PLGRKT: variants seen among roughly 807,000 people sequenced by gnomAD.
PLGRKT encodes plasminogen receptor with a C-terminal lysine.
Under a neutral mutation model 18.5 loss-of-function variants are expected in PLGRKT, and 22 were observed. The ratio of observed to expected loss-of-function variants is 1.19; its 90% CI spans 0.85 to 1.70. The LOEUF (loss-of-function observed/expected upper bound fraction) is 1.70. Ranked by LOEUF, PLGRKT falls within the 40% of genes most tolerant of loss-of-function variation. The pLI, the probability that PLGRKT is intolerant of heterozygous loss-of-function variation, is 0.00. For synonymous variants in PLGRKT, 72 were observed against 52.8 expected (o/e 1.36, Z -1.58); for missense variants, 235 against 174.4 (o/e 1.35, Z -1.96).
rs1817889554 is a variant in PLGRKT at position 5,388,610 on chromosome 9, C to T, written c.82-26722G>A. On this transcript the variant is annotated intron_variant, in intron 3 of 5. Transcript: ENST00000223864. ...TGAGGAAGTAGAGAGGATCTTCTCC[C>T]CATTTGGAATAGCCCAAGGGCATGA... Among the ~76,000 whole-genome samples the T allele has an allele frequency of 1.3e-5, 2 of 152,028 alleles. 1 individual carries two copies. Among genetic ancestry groups the T allele is most frequent in the African/African-American group, 4.8e-5 (2 of 41,284 alleles).
At chr9:5,429,697 C>T (rs1018158513) in intron 3 of PLGRKT, among the ~76,000 whole-genome samples, 5 of 152,162 alleles carry the variant, frequency 3.3e-5, no homozygotes, top group Non-Finnish European at 5.9e-5. Flanking sequence ...AACTTGATTA[C>T]CTCTGTAAAG....
intron 3 of PLGRKT, among the ~76,000 whole-genome samples, chr9:5,422,473 A>G (rs1818596289): frequency 6.6e-6 from 1 of 152,200 alleles, no homozygotes. Flanking sequence ...TCCATAGAAC[A>G]GATGAGCTGG....
intron 3 of PLGRKT, among the ~76,000 whole-genome samples, chr9:5,416,394 G>C (rs1818458961): frequency 6.6e-6 from 1 of 152,150 alleles, no homozygotes; most frequent in African/African-American, 2.4e-5. Flanking sequence ...ATATGGTAGG[G>C]TGACTATGTG....
intron 3 of PLGRKT, among the ~76,000 whole-genome samples, chr9:5,388,334 G>T (rs73395282): frequency 6.6e-6 from 1 of 151,808 alleles, no homozygotes; most frequent in African/African-American, 2.4e-5. Context: ...AAAAGTTGCT[G>T]AGAAATTGGG....
chr9:5,377,266 C>T (rs903420449), intron 3 of PLGRKT, among the ~76,000 whole-genome samples: 3 of 151,090 alleles, frequency 2.0e-5, no homozygotes, highest in African/African-American at 4.9e-5. Context: ...AAAAAGATAG[C>T]ACAGAGAAAA....
At chr9:5,394,726 A>T (rs1818013624) in intron 3 of PLGRKT, among the ~76,000 whole-genome samples, 1 of 151,824 alleles carries the variant, frequency 6.6e-6, no homozygotes. Flanking sequence ...GTTTTTTTTT[A>T]AATATAACTT....
At chr9:5,432,189 C>G (rs1170416813) in intron 2 of PLGRKT, among the ~76,000 whole-genome samples, 1 of 152,208 alleles carries the variant, frequency 6.6e-6, no homozygotes, top group African/African-American at 2.4e-5. Context: ...TCATTTTACT[C>G]ACCTAACACC....
intron 3 of PLGRKT, among the ~76,000 whole-genome samples, chr9:5,409,066 G>C (rs935652643): frequency 6.6e-6 from 1 of 152,226 alleles, no homozygotes. Context: ...CCTGCTGCAG[G>C]GGGAGATTCC....
chr9:5,377,478 C>G (rs1216142325), intron 3 of PLGRKT, among the ~76,000 whole-genome samples: 1 of 151,994 alleles, frequency 6.6e-6, no homozygotes, highest in Non-Finnish European at 1.5e-5. Context: ...TTGTATTTAT[C>G]TATATAAAAA....
At chr9:5,436,344 T>G (rs1436693305) in intron 2 of PLGRKT, among the ~76,000 whole-genome samples, 2 of 152,268 alleles carry the variant, frequency 1.3e-5, no homozygotes, top group African/African-American at 4.8e-5. Flanking sequence ...ATTTTTCTTC[T>G]GAACATAGGA....
intron 3 of PLGRKT, among the ~76,000 whole-genome samples, chr9:5,366,544 CAA>C (rs1462916910): frequency 1.3e-5 from 2 of 152,000 alleles, no homozygotes; most frequent in Non-Finnish European, 2.9e-5. Context: ...CAATTAATTT[CAA>C]AGAGAGCACA....
intron 3 of PLGRKT, among the ~76,000 whole-genome samples, chr9:5,411,740 A>C (rs1818370325): frequency 6.6e-6 from 1 of 152,264 alleles, no homozygotes. Flanking sequence ...AAGATATTAC[A>C]GTTTTAAATT....
At chr9:5,378,398 A>C (rs1368920727) in intron 3 of PLGRKT, among the ~76,000 whole-genome samples, 1 of 152,228 alleles carries the variant, frequency 6.6e-6, no homozygotes, top group Non-Finnish European at 1.5e-5. Flanking sequence ...GAGGGAGTCC[A>C]ACAGAAACTG....
chr9:5,430,352 T>C (rs916013660), intron 3 of PLGRKT, among the ~76,000 whole-genome samples: 2 of 152,218 alleles, frequency 1.3e-5, no homozygotes, highest in Non-Finnish European at 2.9e-5. Flanking sequence ...AGCTGGCTGA[T>C]TTGTAAACCT....
intron 3 of PLGRKT, among the ~76,000 whole-genome samples, chr9:5,423,288 T>C (rs1307802020): frequency 1.3e-5 from 2 of 152,224 alleles, no homozygotes; most frequent in Non-Finnish European, 2.9e-5. Context: ...TGGCACGTGA[T>C]AGACACTCCA....
At chr9:5,381,242 G>A (rs1034874791) in intron 3 of PLGRKT, among the ~76,000 whole-genome samples, 4 of 152,216 alleles carry the variant, frequency 2.6e-5, no homozygotes, top group Middle Eastern at 3.2e-3. Flanking sequence ...AGAGCTGTTC[G>A]TGGCAGCCCC....
intron 3 of PLGRKT, among the ~76,000 whole-genome samples, chr9:5,371,133 T>C (rs116619933): frequency 6.6e-6 from 1 of 152,206 alleles, no homozygotes; most frequent in Non-Finnish European, 1.5e-5. Flanking sequence ...GGTTGCCATA[T>C]GTAAAAATGA....
chr9:5,386,243 T>G (rs1241465782), intron 3 of PLGRKT, among the ~76,000 whole-genome samples: 1 of 151,848 alleles, frequency 6.6e-6, no homozygotes, highest in Non-Finnish European at 1.5e-5. Context: ...CCTTCTACAG[T>G]TGTTGACACA....
At chr9:5,419,626 T>G (rs1335699229) in intron 3 of PLGRKT, among the ~76,000 whole-genome samples, 1 of 152,208 alleles carries the variant, frequency 6.6e-6, no homozygotes, top group Non-Finnish European at 1.5e-5. Context: ...TCAATGTTAT[T>G]AGCCATTATG....
Sources: allele counts gnomAD v4.1 joint callset (sites outside exome capture counted in the v4.1 genomes callset), GRCh38; gene constraint gnomAD v4.1.1; transcripts MANE v1.5; gene names NCBI Gene and HGNC (gene_info 2026-07-23, HGNC 2026-07-21).